PPEF2: variants seen among roughly 807,000 people sequenced by gnomAD.
PPEF2 encodes protein phosphatase with EF-hand domain 2, also known as serine/threonine-protein phosphatase with EF-hands 2.
Under a neutral mutation model 84.7 loss-of-function variants are expected in PPEF2, and 84 were observed. That is an observed-to-expected ratio of 0.99 (90% confidence interval 0.83 to 1.19). The LOEUF is 1.19. Among genes scored for constraint, PPEF2 ranks in the 50% most tolerant of loss-of-function variants. The pLI is 0.00. For missense variants in PPEF2, 924 were observed against 937.5 expected (o/e 0.99, Z 0.19); for synonymous variants, 346 against 345.2 (o/e 1.00, Z -0.03).
chr4:75,863,314 A>C (rs1454742047), intron 16 of PPEF2, among the ~76,000 whole-genome samples: 1 of 139,756 alleles, frequency 7.2e-6, no homozygotes, highest in African/African-American at 2.7e-5. Flanking sequence ...ACATGGTGAA[A>C]TCCTGTCTCT....
chr4:75,884,363 G>A (rs1051297944), intron 8 of PPEF2, among the ~76,000 whole-genome samples: 1 of 151,596 alleles, frequency 6.6e-6, no homozygotes, highest in Admixed American at 6.6e-5. Flanking sequence ...AGGAAGCAGA[G>A]GTTGCAGTGA....
intron 10 of PPEF2, among the ~76,000 whole-genome samples, chr4:75,877,655 G>A (rs1344673284): frequency 6.7e-6 from 1 of 148,532 alleles, no homozygotes; most frequent in African/African-American, 2.5e-5. Flanking sequence ...TGTATCTTTT[G>A]TTTGTATTTC....
intron 2 of PPEF2, among the ~76,000 whole-genome samples, chr4:75,894,031 C>T (rs1480310016): frequency 6.6e-6 from 1 of 152,072 alleles, no homozygotes; most frequent in African/African-American, 2.4e-5. Context: ...TTACTTGGGC[C>T]ATGTGTAAAC....
chr4:75,866,191 C>T lies in PPEF2; in HGVS notation c.1918G>A (p.Glu640Lys), dbSNP rs775619596. 20 of 1,609,898 alleles carry T rather than the reference C, an allele frequency of 1.2e-5. No homozygotes were observed. The highest frequency in any genetic ancestry group is 6.6e-5 in the South Asian group (6 of 90,298). Residue 640 changes from glutamate to lysine, a missense_variant and splice_region_variant, in exon 15 of 17, where the codon GAG becomes AAG. Glu to Lys is a moderately conservative substitution (Grantham distance 56). Transcript: ENST00000286719. ...ATCCACCATTACCACACCGTTACCT[C>T]GCGACTCAGTTGTTCCTTGGCCAAG... ...KNLAKEQLSR[E>K]NIQSSLLETL...
rs1478871070 is a variant in PPEF2 at position 75,891,706 on chromosome 4, C to G, written c.184-1G>C. On this transcript the variant is annotated splice_acceptor_variant, in intron 3 of 16. Transcript: ENST00000286719. LOFTEE classifies it high-confidence loss of function. ...TGAGATAGCTGAAGAAGTCATGGAG[C>G]TGCAGAAGAACCCAAGGAGACGTGG... The G allele has an allele frequency of 1.9e-6, 3 of 1,610,872 alleles. No individual in the cohort carries two copies. The highest frequency in any genetic ancestry group is 2.7e-5 in the African/African-American group (2 of 74,786).
At chr4:75,893,880 C>T (rs115208952) in intron 2 of PPEF2, among the ~76,000 whole-genome samples, 2,857 of 116,476 alleles carry the variant, frequency 0.025, 34 homozygotes, top group Non-Finnish European at 0.035. Flanking sequence ...TTTCTTCCTC[C>T]CGGTTGACTA....
chr4:75,900,126 C>A (rs1018285128), intron 1 of PPEF2, among the ~76,000 whole-genome samples: 3 of 152,134 alleles, frequency 2.0e-5, no homozygotes, highest in African/African-American at 7.2e-5. Context: ...AAAATATGTT[C>A]TTGGAGGCAG....
intron 10 of PPEF2, among the ~76,000 whole-genome samples, chr4:75,878,392 A>G (rs937180893): frequency 6.6e-6 from 1 of 152,320 alleles, no homozygotes; most frequent in Non-Finnish European, 1.5e-5. Context: ...TCCATGGTAT[A>G]TCCACAATAA....
At position 75,859,992 on chromosome 4, in the gene PPEF2, A is replaced by T. The variant is rs1723952018; in HGVS notation, c.*675T>A. ...ATCCATATGCTTGGGTCATGGAATT[A>T]CAATACAATTTTTAAAAATAACTTT... On this transcript the variant is annotated 3_prime_UTR_variant, in exon 17 of 17. Coordinates refer to ENST00000286719, the MANE Select transcript of PPEF2 (RefSeq NM_006239.3). The T allele has an allele frequency of 6.6e-6, 1 of 152,250 alleles. No individual in the cohort carries two copies. The highest frequency in any genetic ancestry group is 1.5e-5 in the Non-Finnish European group (1 of 68,042). 9.4% of individuals were successfully genotyped at this position (152,250 alleles called of 1,614,324 possible). A position where few individuals can be genotyped will look rare whatever the true frequency, so the allele number is the denominator to read the frequency against.
At chr4:75,886,750 A>T in intron 7 of PPEF2, 102 bp downstream of exon 7, 1 of 623,870 alleles carries the variant, frequency 1.6e-6, no homozygotes, top group Admixed American at 3.2e-5. Context: ...ATAATATTTT[A>T]AAACTTCAAG....
chr4:75,889,611 C>A (rs574871608), intron 5 of PPEF2, among the ~76,000 whole-genome samples: 1 of 152,156 alleles, frequency 6.6e-6, no homozygotes, highest in Non-Finnish European at 1.5e-5. Context: ...CATTGTCTGC[C>A]TCCCCGATGG....
intron 2 of PPEF2, among the ~76,000 whole-genome samples, chr4:75,895,444 T>A (rs56141568): frequency 0.14 from 20,821 of 146,710 alleles, 1,578 homozygotes; most frequent in Non-Finnish European, 0.18. Flanking sequence ...CAAAAAAAAA[T>A]TTTTTAGGTT....
chr4:75,873,983 C>T (rs954743241), intron 11 of PPEF2, among the ~76,000 whole-genome samples: 1 of 152,016 alleles, frequency 6.6e-6, no homozygotes, highest in African/African-American at 2.4e-5. Flanking sequence ...AGGCACACAC[C>T]TGTAATCCCA....
At chr4:75,899,860 C>T (rs1560490788) in intron 1 of PPEF2, among the ~76,000 whole-genome samples, 3 of 152,130 alleles carry the variant, frequency 2.0e-5, no homozygotes. Context: ...CAATGACTCA[C>T]AAGTTGCTTT....
At chr4:75,892,452 A>G (rs1169581458) in intron 2 of PPEF2, among the ~76,000 whole-genome samples, 1 of 152,200 alleles carries the variant, frequency 6.6e-6, no homozygotes, top group Non-Finnish European at 1.5e-5. Context: ...GTGGTTTCAG[A>G]CAAGTCATCT....
intron 2 of PPEF2, among the ~76,000 whole-genome samples, chr4:75,894,783 G>A (rs897553084): frequency 1.3e-5 from 2 of 152,232 alleles, no homozygotes; most frequent in Admixed American, 6.5e-5. Flanking sequence ...CCCTGTGGTA[G>A]CAGGAGCTGA....
rs35897623 is a variant in PPEF2, at chr4:75,883,817, CAAAAAAAA to C, written c.747-623_747-616del. On this transcript the variant is annotated intron_variant, in intron 8 of 16. Transcript: ENST00000286719. ...TGGGTGACCAAGCGAGACTCCGTCA[CAAAAAAAA>C]AAAAAAAAAAAAAAAAAATCTGGGC... Among the ~76,000 whole-genome samples the C allele has an allele frequency of 9.8e-3, 594 of 60,698 alleles. 12 individuals are homozygous for C. The highest frequency in any genetic ancestry group is 0.038 in the African/African-American group (545 of 14,272). 39.8% of individuals were successfully genotyped at this position (60,698 alleles called of 152,430 possible).
At chr4:75,874,704 A>G (rs1724365414) in intron 11 of PPEF2, among the ~76,000 whole-genome samples, 1 of 152,172 alleles carries the variant, frequency 6.6e-6, no homozygotes, top group Admixed American at 6.5e-5. Context: ...AAAGACCTAT[A>G]CTTTATAATT....
Position 75,882,955 on chromosome 4 carries a change from C to A in PPEF2, c.904G>T (p.Glu302Ter). 6.2e-7 allele frequency: 1 copy of A among 1,613,894 alleles called. No homozygotes were observed. Among genetic ancestry groups the A allele is most frequent in the Non-Finnish European group, 8.5e-7 (1 of 1,179,918 alleles). The change falls in exon 10 of 17, where the codon GAG (glutamate) becomes TAG (stop). Residue 302 changes from glutamate (E) to a stop codon, truncating the protein, a stop_gained. Transcript: ENST00000286719. LOFTEE classifies it high-confidence loss of function. ...CTCCTCTCTATTTTGTCCAAAAGCT[C>A]CAGATCAGTTATGTCTGACACCCCA... ...HGGVSDITDL[E>*]LLDKIERSKI...
Sources: allele counts gnomAD v4.1 joint callset (sites outside exome capture counted in the v4.1 genomes callset), GRCh38; gene constraint gnomAD v4.1.1; transcripts MANE v1.5; gene names NCBI Gene and HGNC (gene_info 2026-07-23, HGNC 2026-07-21).